CMTM8: variants seen among roughly 807,000 people sequenced by gnomAD.
CMTM8 encodes the protein CKLF-like MARVEL transmembrane domain-containing protein 8.
CMTM8 carries 12 observed loss-of-function variants against 18.6 expected under a neutral mutation model. That is an observed-to-expected ratio of 0.65 (90% CI 0.41 to 1.05). The LOEUF is 1.05. Ranked by LOEUF, CMTM8 falls within the 50% of genes least tolerant of loss-of-function variation. The pLI is 0.00. For synonymous variants in CMTM8, 87 were observed against 90.6 expected (o/e 0.96, Z 0.23); for missense variants, 217 against 227.2 (o/e 0.95, Z 0.29).
At chr3:32,325,902 C>A (rs1436551412) in intron 1 of CMTM8, among the ~76,000 whole-genome samples, 2 of 152,188 alleles carry the variant, frequency 1.3e-5, no homozygotes, top group Non-Finnish European at 2.9e-5. Flanking sequence ...AGCTTTCGAA[C>A]CCACCAAGGG....
chr3:32,369,219 CAGG>C (rs1196104008), intron 3 of CMTM8, among the ~76,000 whole-genome samples: 1 of 152,066 alleles, frequency 6.6e-6, no homozygotes, highest in East Asian at 1.9e-4. Flanking sequence ...GATGCTGAGG[CAGG>C]AGAATTGCTT....
intron 2 of CMTM8, among the ~76,000 whole-genome samples, chr3:32,367,448 CA>C (rs1284600104): frequency 6.6e-6 from 1 of 152,104 alleles, no homozygotes; most frequent in African/African-American, 2.4e-5. Context: ...TTTTGGGGGA[CA>C]CTGTATTGCG....
intron 1 of CMTM8, among the ~76,000 whole-genome samples, chr3:32,296,696 C>G (rs578083892): frequency 6.7e-4 from 102 of 152,302 alleles, no homozygotes; most frequent in African/African-American, 2.3e-3. Flanking sequence ...ACAGGAATGG[C>G]ACCCCTTAGG....
Position 32,238,800 on chromosome 3 carries a change from G to A in CMTM8, c.-173G>A. 1 of 381,282 alleles carries A rather than the reference G, an allele frequency of 2.6e-6. No individual in the cohort carries two copies. The highest frequency in any genetic ancestry group is 4.6e-5 in the East Asian group (1 of 21,944). 23.6% of individuals were successfully genotyped at this position (381,282 alleles called of 1,614,324 possible). A position where few individuals can be genotyped will look rare whatever the true frequency, so the allele number is the denominator to read the frequency against. On this transcript the variant is annotated 5_prime_UTR_variant, in exon 1 of 4. Coordinates refer to ENST00000307526, the MANE Select transcript of CMTM8 (RefSeq NM_178868.5). Reference sequence around the variant, plus strand: ...GGCGCTAGGGGCACCGCGCACTAGAGGGACACCCGCCGCGCCTGGACAGCC... The same window carrying A: ...GGCGCTAGGGGCACCGCGCACTAGAAGGACACCCGCCGCGCCTGGACAGCC...
At chr3:32,249,238 A>G (rs545154642) in intron 1 of CMTM8, among the ~76,000 whole-genome samples, 1 of 151,622 alleles carries the variant, frequency 6.6e-6, no homozygotes, top group Admixed American at 6.6e-5. Context: ...AGACTAGCCT[A>G]GGCAACATGG....
chr3:32,341,612 C>T (rs1485430750), intron 1 of CMTM8, among the ~76,000 whole-genome samples: 1 of 152,062 alleles, frequency 6.6e-6, no homozygotes, highest in African/African-American at 2.4e-5. Flanking sequence ...TGTGGTGGCT[C>T]ACACCTGTAA....
At chr3:32,365,525 A>G (rs1275315026) in intron 2 of CMTM8, among the ~76,000 whole-genome samples, 1 of 152,100 alleles carries the variant, frequency 6.6e-6, no homozygotes, top group African/African-American at 2.4e-5. Flanking sequence ...GGCTCACTGC[A>G]ACCTCCCTCT....
chr3:32,324,468 A>C (rs2077842378), intron 1 of CMTM8, among the ~76,000 whole-genome samples: 1 of 152,208 alleles, frequency 6.6e-6, no homozygotes, highest in Non-Finnish European at 1.5e-5. Context: ...TCTACAGTGC[A>C]CAAGCTGCTG....
chr3:32,286,501 G>T lies in CMTM8; in HGVS notation c.147+47382G>T, dbSNP rs1465235209. ...AAAGTTAATGTTCCCCACAAAACCAGATCTGTGCAATGAGTTTCTCTCTGG... is the reference window on the plus strand; with the variant it reads ...AAAGTTAATGTTCCCCACAAAACCATATCTGTGCAATGAGTTTCTCTCTGG... On this transcript the variant is annotated intron_variant, in intron 1 of 3. Coordinates refer to ENST00000307526, the MANE Select transcript of CMTM8 (RefSeq NM_178868.5). Among the ~76,000 whole-genome samples, 5 of 152,246 alleles carry T rather than the reference G, an allele frequency of 3.3e-5. No homozygotes were observed. In the East Asian group the frequency reaches 9.7e-4, roughly 29 times the overall value.
At chr3:32,322,708 T>C (rs1696080598) in intron 1 of CMTM8, among the ~76,000 whole-genome samples, 1 of 152,180 alleles carries the variant, frequency 6.6e-6, no homozygotes, top group African/African-American at 2.4e-5. Context: ...TGGCCCAAGA[T>C]GGGCCAATAG....
At chr3:32,311,473 C>A (rs2125569749) in intron 1 of CMTM8, among the ~76,000 whole-genome samples, 1 of 152,330 alleles carries the variant, frequency 6.6e-6, no homozygotes, top group East Asian at 1.9e-4. Context: ...TCTCCAGCTG[C>A]CTTCCTGGGC....
At chr3:32,368,591 G>A (rs1697091524) in intron 3 of CMTM8, among the ~76,000 whole-genome samples, 1 of 151,310 alleles carries the variant, frequency 6.6e-6, no homozygotes, top group Non-Finnish European at 1.5e-5. Context: ...CTCCTGAATA[G>A]CTGGGACTAG....
chr3:32,279,906 G>C (rs950326880), intron 1 of CMTM8, among the ~76,000 whole-genome samples: 1 of 149,778 alleles, frequency 6.7e-6, no homozygotes, highest in African/African-American at 2.5e-5. Flanking sequence ...TAGTGGTTTT[G>C]ATTTGCATTT....
intron 1 of CMTM8, among the ~76,000 whole-genome samples, chr3:32,340,066 C>T (rs1450205084): frequency 6.6e-6 from 1 of 152,120 alleles, no homozygotes; most frequent in African/African-American, 2.4e-5. Flanking sequence ...TTAATTCATC[C>T]TTATCTCAGC....
chr3:32,267,851 A>G (rs547784245), intron 1 of CMTM8, among the ~76,000 whole-genome samples: 1 of 152,366 alleles, frequency 6.6e-6, no homozygotes, highest in Admixed American at 6.5e-5. Context: ...AAAAATGCTC[A>G]TCATCACTGG....
At chr3:32,303,351 A>T (rs1025794478) in intron 1 of CMTM8, among the ~76,000 whole-genome samples, 1 of 152,172 alleles carries the variant, frequency 6.6e-6, no homozygotes, top group African/African-American at 2.4e-5. Context: ...TATCAGTGAG[A>T]TATTTCTAGT....
intron 1 of CMTM8, among the ~76,000 whole-genome samples, chr3:32,316,252 C>A (rs896164344): frequency 4.6e-5 from 7 of 152,068 alleles, no homozygotes; most frequent in African/African-American, 1.4e-4. Context: ...TGGTCTTGAT[C>A]TCCTGACCTC....
rs726911 is a variant in CMTM8 at position 32,332,239 on chromosome 3, G to A, written c.148-25134G>A. Among the ~76,000 whole-genome samples the A allele has an allele frequency of 5.9e-5, 9 of 152,310 alleles. No individual in the cohort carries two copies. The East Asian group carries it at 1.2e-3, about 20-fold the overall frequency. ...TTAGCTGCAGCCCGTCGCAGTGGAC[G>A]CAGCACAGGATGTAAAGCTGGGGTG... On this transcript the variant is annotated intron_variant, in intron 1 of 3. Transcript: ENST00000307526.
intron 1 of CMTM8, among the ~76,000 whole-genome samples, chr3:32,265,195 A>G (rs1702317878): frequency 6.6e-6 from 1 of 152,214 alleles, no homozygotes; most frequent in African/African-American, 2.4e-5. Flanking sequence ...TTGACCACAT[A>G]GTTGGAAGTA....
Sources: allele counts gnomAD v4.1 joint callset (sites outside exome capture counted in the v4.1 genomes callset), GRCh38; gene constraint gnomAD v4.1.1; transcripts MANE v1.5; gene names NCBI Gene and HGNC (gene_info 2026-07-23, HGNC 2026-07-21).